The following FHOD3 variants were observed in gnomAD, a reference collection of about 807,000 sequenced individuals.
The protein encoded by FHOD3 is FH1/FH2 domain-containing protein 3.
In FHOD3, 90 loss-of-function variants were observed where a neutral mutation model predicts 173.0. The observed-to-expected ratio is 0.52, with a 90% confidence interval of 0.44 to 0.62. FHOD3 has a LOEUF of 0.62. Ranked by LOEUF, FHOD3 falls within the 20% of genes least tolerant of loss-of-function variation. FHOD3 has a pLI of 0.00. For synonymous variants in FHOD3, 828 were observed against 823.0 expected (o/e 1.01, Z -0.10); for missense variants, 1,945 against 2,034.7 (o/e 0.96, Z 0.85).
chr18:36,644,564 T>C (rs2035553072), intron 10 of FHOD3, among the ~76,000 whole-genome samples: 1 of 152,202 alleles, frequency 6.6e-6, no homozygotes, highest in Non-Finnish European at 1.5e-5. Flanking sequence ...CTGCCACTTA[T>C]GATAGCAAAG....
chr18:36,780,169 C>T lies in FHOD3; in HGVS notation c.*639C>T, dbSNP rs1039823019. The T allele has an allele frequency of 1.7e-5, 21 of 1,231,886 alleles. No homozygotes were observed. Among genetic ancestry groups the T allele is most frequent in the Middle Eastern group, 3.1e-4 (1 of 3,208 alleles). 76.3% of individuals were successfully genotyped at this position (1,231,886 alleles called of 1,614,324 possible). On this transcript the variant is annotated 3_prime_UTR_variant, in exon 29 of 29. Coordinates refer to ENST00000590592, the MANE Select transcript of FHOD3 (RefSeq NM_001281740.3). ...TCCTCAGAAGCACCCTCGCTTGGAA[C>T]GGCCTTCAGATCCTTTGGGCTGTAT...
intron 5 of FHOD3, among the ~76,000 whole-genome samples, chr18:36,538,666 T>A (rs1252344377): frequency 6.6e-6 from 1 of 152,202 alleles, no homozygotes; most frequent in Non-Finnish European, 1.5e-5. Context: ...CACATACAAC[T>A]TGGATGGATC....
rs371957443 is a variant in FHOD3 at position 36,729,990 on chromosome 18, T to C, written c.3418-656T>C. ...TAGGCCTCTAAGCTGGTTCGTCCCCTATTCATCCTCACCAGTGCATGCCCT... is the reference window on the plus strand; with the variant it reads ...TAGGCCTCTAAGCTGGTTCGTCCCCCATTCATCCTCACCAGTGCATGCCCT... On this transcript the variant is annotated intron_variant, in intron 19 of 28. Coordinates refer to ENST00000590592, the MANE Select transcript of FHOD3 (RefSeq NM_001281740.3). Among the ~76,000 whole-genome samples the C allele has an allele frequency of 9.0e-4, 137 of 152,314 alleles. 1 individual carries two copies. The East Asian group carries it at 0.022, about 24-fold the overall frequency.
At position 36,531,815 on chromosome 18, in the gene FHOD3, G is replaced by A. The variant is rs566938349; in HGVS notation, c.511+19272G>A. On this transcript the variant is annotated intron_variant, in intron 5 of 28. Transcript: ENST00000590592. ...CAGCCTGCGGTCCTCTCGGAGGCAGGATGCTTGACACCAGAGCAGTTTGCC... is the reference window on the plus strand; with the variant it reads ...CAGCCTGCGGTCCTCTCGGAGGCAGAATGCTTGACACCAGAGCAGTTTGCC... Among the ~76,000 whole-genome samples the A allele has an allele frequency of 2.0e-5, 3 of 152,312 alleles. No individual in the cohort carries two copies. The South Asian group carries it at 6.2e-4, about 32-fold the overall frequency.
chr18:36,752,787 T>C (rs1160650423), intron 24 of FHOD3, among the ~76,000 whole-genome samples: 1 of 152,200 alleles, frequency 6.6e-6, no homozygotes, highest in Non-Finnish European at 1.5e-5. Context: ...TAAAGAATCT[T>C]GGGTTGTACT....
At chr18:36,583,194 G>A (rs78566753) in intron 6 of FHOD3, among the ~76,000 whole-genome samples, 11,978 of 152,182 alleles carry the variant, frequency 0.079, 692 homozygotes, top group South Asian at 0.17. Context: ...GTGGGAAGCC[G>A]TTGAACTCTG....
intron 16 of FHOD3, among the ~76,000 whole-genome samples, chr18:36,689,182 A>C (rs1460990761): frequency 6.6e-6 from 1 of 152,236 alleles, no homozygotes; most frequent in Non-Finnish European, 1.5e-5. Flanking sequence ...AAAGCTTTTA[A>C]GAGTTCCTAC....
At position 36,297,822 on chromosome 18, in the gene FHOD3, G is replaced by T; in HGVS notation, c.-14G>T. 1 of 1,501,624 alleles carries T rather than the reference G, an allele frequency of 6.7e-7. No individual in the cohort carries two copies. The highest frequency in any genetic ancestry group is 1.3e-5 in the South Asian group (1 of 79,736). 93.0% of individuals were successfully genotyped at this position (1,501,624 alleles called of 1,614,324 possible). On this transcript the variant is annotated 5_prime_UTR_variant, in exon 1 of 29. Transcript: ENST00000590592. The stretch of plus-strand genomic sequence containing the variant: ...CTAACCCCGGGGCCCGCGCCCCCGC[G>T]GCAGGGATGCATCATGGCCACGCTG...
intron 14 of FHOD3, among the ~76,000 whole-genome samples, chr18:36,671,191 C>T (rs2037511097): frequency 6.6e-6 from 1 of 152,258 alleles, no homozygotes; most frequent in Admixed American, 6.5e-5. Context: ...GTATGTTACC[C>T]TGCCAGTGTT....
chr18:36,653,685 G>A (rs1226839983), intron 13 of FHOD3, among the ~76,000 whole-genome samples: 3 of 152,138 alleles, frequency 2.0e-5, no homozygotes, highest in Non-Finnish European at 4.4e-5. Flanking sequence ...TTTCCCTGTT[G>A]CCTGCGTTAT....
rs755754053 is a variant in FHOD3, at chr18:36,760,736, C to T, written c.4578C>T (p.Asp1526=). The T allele has an allele frequency of 1.9e-6, 3 of 1,612,780 alleles. No homozygotes were observed. The highest frequency in any genetic ancestry group is 2.5e-6 in the Non-Finnish European group (3 of 1,179,906). The part of the protein sequence containing the change: ...VLKTSSPSVE[D]ATPALGVRTR... ...AAACCTCGTCCCCCTCCGTGGAGGA[C>T]GCCACCCCCGCGCTGGGCGTCCGCA... The change falls in exon 27 of 29, where the codon GAC becomes GAT. Residue 1526 remains aspartate (D), a synonymous_variant. Transcript: ENST00000590592.
At chr18:36,439,873 C>T (rs1363148613) in intron 3 of FHOD3, among the ~76,000 whole-genome samples, 1 of 152,144 alleles carries the variant, frequency 6.6e-6, no homozygotes, top group African/African-American at 2.4e-5. Context: ...TTCTTTTGTT[C>T]TATGTGGTCC....
chr18:36,545,470 T>C (rs2147195264), intron 5 of FHOD3, among the ~76,000 whole-genome samples: 1 of 152,278 alleles, frequency 6.6e-6, no homozygotes, highest in East Asian at 1.9e-4. Context: ...TAAATCTGCA[T>C]CCAAAATGTA....
intron 4 of FHOD3, among the ~76,000 whole-genome samples, chr18:36,511,354 A>G (rs890204334): frequency 2.2e-5 from 3 of 138,108 alleles, no homozygotes; most frequent in Non-Finnish European, 4.9e-5. Context: ...TGATCTTGCC[A>G]ATGTTTTTTT....
intron 18 of FHOD3, 130 bp from the exon 19 acceptor site, chr18:36,717,702 C>T (rs894628939): frequency 2.1e-6 from 3 of 1,410,318 alleles, no homozygotes; most frequent in Non-Finnish European, 2.8e-6. Context: ...TCAGCCACGG[C>T]TTTGACTGCT....
chr18:36,634,119 C>T (rs1002928523), intron 10 of FHOD3, among the ~76,000 whole-genome samples: 1 of 152,134 alleles, frequency 6.6e-6, no homozygotes, highest in Non-Finnish European at 1.5e-5. Flanking sequence ...TTTGATGGCT[C>T]ATAACTGATG....
intron 3 of FHOD3, among the ~76,000 whole-genome samples, chr18:36,380,578 T>TTTTCCTTTCC (rs71381571): frequency 0.026 from 1,375 of 52,418 alleles, 58 homozygotes; most frequent in African/African-American, 0.048. Context: ...TTTTCTTTTC[T>TTTTCCTTTCC]TTTCCTTTCC....
At chr18:36,562,299 G>A (rs1232078261) in intron 5 of FHOD3, among the ~76,000 whole-genome samples, 1 of 152,120 alleles carries the variant, frequency 6.6e-6, no homozygotes, top group East Asian at 1.9e-4. Context: ...TTACAGATGT[G>A]AGCCACTGCA....
chr18:36,529,697 G>T (rs547329815), intron 5 of FHOD3, among the ~76,000 whole-genome samples: 2 of 152,152 alleles, frequency 1.3e-5, no homozygotes, highest in Non-Finnish European at 2.9e-5. Flanking sequence ...CTACTCGGGA[G>T]GCTGAGGCAA....
Sources: allele counts gnomAD v4.1 joint callset (sites outside exome capture counted in the v4.1 genomes callset), GRCh38; gene constraint gnomAD v4.1.1; transcripts MANE v1.5; gene names NCBI Gene and HGNC (gene_info 2026-07-23, HGNC 2026-07-21).